CSMD1: variants seen among roughly 807,000 people sequenced by gnomAD.
CSMD1 encodes CUB and Sushi multiple domains 1, also known as CUB and sushi domain-containing protein 1.
In CSMD1, 213 loss-of-function variants were observed where a neutral mutation model predicts 417.5. The observed-to-expected ratio is 0.51, with a 90% CI of 0.46 to 0.57. CSMD1 has a LOEUF of 0.57. CSMD1 is among the 20% of genes least tolerant of loss of function. The probability of loss-of-function intolerance (pLI) is 0.00; values close to 1 mark genes in which losing one functional copy is unlikely to be tolerated. For missense variants in CSMD1, 6,923 were observed against 4,529.7 expected, an observed-to-expected ratio of 1.53 and a Z score of -15.17; for synonymous variants, 2,862 against 1,736.8, an observed-to-expected ratio of 1.65 and a Z score of -16.11.
chr8:4,376,048 T>C (rs1584979508), intron 3 of CSMD1, among the ~76,000 whole-genome samples: 1 of 152,214 alleles, frequency 6.6e-6, no homozygotes, highest in Admixed American at 6.5e-5. Context: ...TCTTGATATC[T>C]ATACTGAAGC....
chr8:4,460,676 T>TCCC (rs199647814), intron 2 of CSMD1, among the ~76,000 whole-genome samples: 1 of 152,146 alleles, frequency 6.6e-6, no homozygotes, highest in African/African-American at 2.4e-5. Context: ...GTAAGAGAAT[T>TCCC]TTATAAACAT....
chr8:4,174,420 C>T (rs564081350), intron 3 of CSMD1, among the ~76,000 whole-genome samples: 6 of 151,832 alleles, frequency 4.0e-5, no homozygotes, highest in East Asian at 2.0e-4. Context: ...TGCACTTCAC[C>T]GTGTATGTAA....
At chr8:3,386,278 G>C (rs930757619) in intron 18 of CSMD1, among the ~76,000 whole-genome samples, 2 of 152,190 alleles carry the variant, frequency 1.3e-5, no homozygotes, top group South Asian at 4.1e-4. Flanking sequence ...TTGGCCAGTG[G>C]CTCATGTCAG....
intron 2 of CSMD1, among the ~76,000 whole-genome samples, chr8:4,515,908 C>A (rs1803090776): frequency 6.6e-6 from 1 of 152,076 alleles, no homozygotes; most frequent in Admixed American, 6.5e-5. Flanking sequence ...TAAAAATAGC[C>A]CAAACTAGCA....
chr8:3,214,485 G>C lies in CSMD1; in HGVS notation c.4867+12C>G. ...AGTTGTATTTCTAGAAAATACCCAA[G>C]CGTGCACTCACCATTGCAGGAGGGC... On this transcript the variant is annotated intron_variant, in intron 30 of 69. Transcript: ENST00000635120. 1 of 1,567,672 alleles carries C rather than the reference G, an allele frequency of 6.4e-7. No homozygotes were observed. The highest frequency in any genetic ancestry group is 8.6e-7 in the Non-Finnish European group (1 of 1,157,836).
chr8:3,935,691 G>T lies in CSMD1; in HGVS notation c.818+62212C>A, dbSNP rs145281413. On this transcript the variant is annotated intron_variant, in intron 5 of 69. Transcript: ENST00000635120. ...ATGTGTGTGTTCTGACTGCTCCACT[G>T]ACTGGCCTGGTCACTCCCACATCTC... 3.9e-5 allele frequency among the ~76,000 whole-genome samples: 6 copies of T among 152,238 alleles called. No individual in the cohort carries two copies. In the East Asian group the frequency reaches 1.2e-3, roughly 29 times the overall value.
At chr8:3,658,223 A>T (rs1798227896) in intron 7 of CSMD1, among the ~76,000 whole-genome samples, 1 of 152,282 alleles carries the variant, frequency 6.6e-6, no homozygotes, top group Admixed American at 6.5e-5. Context: ...TCAATGTAAA[A>T]TAAAAGATAA....
intron 1 of CSMD1, among the ~76,000 whole-genome samples, chr8:4,817,253 G>A (rs1035133124): frequency 6.6e-6 from 1 of 152,084 alleles, no homozygotes; most frequent in Non-Finnish European, 1.5e-5. Context: ...AAAATATGAA[G>A]ATTTTCCCAC....
intron 6 of CSMD1, among the ~76,000 whole-genome samples, chr8:3,713,455 T>C (rs1801643351): frequency 6.6e-6 from 1 of 152,158 alleles, no homozygotes; most frequent in Non-Finnish European, 1.5e-5. Context: ...CCCTCCTCTG[T>C]AGCCCCTGGG....
intron 26 of CSMD1, among the ~76,000 whole-genome samples, chr8:3,256,209 C>G (rs1012768198): frequency 3.3e-5 from 5 of 151,110 alleles, no homozygotes; most frequent in East Asian, 2.0e-4. Context: ...CACCTGTAAT[C>G]CCAACTACTC....
At chr8:4,063,884 G>A (rs146432256) in intron 3 of CSMD1, among the ~76,000 whole-genome samples, 1 of 152,298 alleles carries the variant, frequency 6.6e-6, no homozygotes, top group East Asian at 1.9e-4. Context: ...ACACGTAGCT[G>A]AAATATCAAA....
At chr8:3,823,329 C>G (rs1420326779) in intron 5 of CSMD1, among the ~76,000 whole-genome samples, 1 of 152,128 alleles carries the variant, frequency 6.6e-6, no homozygotes, top group Admixed American at 6.6e-5. Context: ...GCATGTGTAA[C>G]AGGGACCCAG....
intron 3 of CSMD1, among the ~76,000 whole-genome samples, chr8:4,093,204 T>C (rs890922096): frequency 2.0e-5 from 3 of 152,236 alleles, no homozygotes; most frequent in African/African-American, 7.2e-5. Flanking sequence ...TTTCACATTA[T>C]GTAAATAAAG....
chr8:3,926,092 C>CACAAACACCATACAT (rs1809674021), intron 5 of CSMD1, among the ~76,000 whole-genome samples: 2 of 49,506 alleles, frequency 4.0e-5, no homozygotes, highest in African/African-American at 2.7e-4. Context: ...TACACACACA[C>CACAAACACCATACAT]ACACACACAC....
chr8:3,300,005 G>A (rs1804266034), intron 25 of CSMD1, among the ~76,000 whole-genome samples: 1 of 152,130 alleles, frequency 6.6e-6, no homozygotes, highest in African/African-American at 2.4e-5. Flanking sequence ...CCCTGGAGGT[G>A]ACACACGGGG....
rs1156800687 is a variant in CSMD1 at position 4,145,056 on chromosome 8, G to A, written c.416-112957C>T. Among the ~76,000 whole-genome samples, 15 of 151,136 alleles carry A rather than the reference G, an allele frequency of 9.9e-5. No homozygotes were observed. In the East Asian group the frequency reaches 2.5e-3, roughly 25 times the overall value. ...TTCCGCTTTTAAAATATTTTTAAAT[G>A]TTTCTAAAATACAAAGATTTAAGGA... On this transcript the variant is annotated intron_variant, in intron 3 of 69. Coordinates refer to ENST00000635120, the MANE Select transcript of CSMD1 (RefSeq NM_033225.6).
chr8:3,516,138 T>C (rs1797273328), intron 10 of CSMD1, among the ~76,000 whole-genome samples: 1 of 152,168 alleles, frequency 6.6e-6, no homozygotes, highest in Non-Finnish European at 1.5e-5. Context: ...AGAATGTAAA[T>C]CTATGCATTT....
At chr8:4,584,434 C>T (rs568899545) in intron 2 of CSMD1, among the ~76,000 whole-genome samples, 10 of 152,194 alleles carry the variant, frequency 6.6e-5, no homozygotes, top group Admixed American at 3.3e-4. Context: ...GGGCACCTGT[C>T]GGCCAGTTAA....
At chr8:3,462,122 G>C (rs1475840756) in intron 12 of CSMD1, among the ~76,000 whole-genome samples, 6 of 149,510 alleles carry the variant, frequency 4.0e-5, no homozygotes, top group Admixed American at 1.3e-4. Flanking sequence ...CAGAATCCAG[G>C]CCCCCCCCCC....
Sources: gnomAD v4.1 joint callset for allele counts (sites outside exome capture counted in the v4.1 genomes callset) on GRCh38, gnomAD v4.1.1 for gene constraint, MANE v1.5 for transcripts, NCBI Gene and HGNC (gene_info 2026-07-23, HGNC 2026-07-21) for gene names.